Variants in SLC39A11 observed in about 807,000 individuals in gnomAD.
SLC39A11 encodes solute carrier family 39 member 11.
Under a neutral mutation model 36.1 loss-of-function variants are expected in SLC39A11, and 33 were observed. That is an observed-to-expected ratio of 0.91 (90% CI 0.69 to 1.22). SLC39A11 has a LOEUF of 1.22. SLC39A11 is among the 50% of genes most tolerant of loss of function. The probability of loss-of-function intolerance (pLI) is 0.00; values close to 1 mark genes in which losing one functional copy is unlikely to be tolerated. For missense variants in SLC39A11, 432 were observed against 430.3 expected (o/e 1.00, Z -0.03); for synonymous variants, 166 against 170.3 (o/e 0.97, Z 0.20).
At chr17:73,056,233 A>G (rs1026291791) in intron 3 of SLC39A11, among the ~76,000 whole-genome samples, 5 of 151,842 alleles carry the variant, frequency 3.3e-5, no homozygotes, top group African/African-American at 4.8e-5. Context: ...CAGTGGAATA[A>G]TCTTGGCTCA....
chr17:72,966,600 C>T lies in SLC39A11; in HGVS notation c.307-18725G>A, dbSNP rs550062492. Among the ~76,000 whole-genome samples the T allele has an allele frequency of 1.3e-3, 191 of 152,144 alleles. 1 individual carries two copies. The highest frequency in any genetic ancestry group is 4.5e-3 in the African/African-American group (185 of 41,506). ...TGTTCTTTTTTTTGAGACGGAGGCT[C>T]GCTCTGTCGCCCAGGCTGGAGTGCA... On this transcript the variant is annotated intron_variant, in intron 4 of 9. Transcript: ENST00000255559.
At chr17:72,933,855 T>C (rs1363376342) in intron 5 of SLC39A11, among the ~76,000 whole-genome samples, 1 of 152,126 alleles carries the variant, frequency 6.6e-6, no homozygotes. Context: ...GCAAGCTGAT[T>C]CTAAAATGTG....
At chr17:72,884,467 C>T (rs1218381953) in intron 5 of SLC39A11, among the ~76,000 whole-genome samples, 1 of 152,206 alleles carries the variant, frequency 6.6e-6, no homozygotes, top group African/African-American at 2.4e-5. Flanking sequence ...TTATGACTAC[C>T]TGGAGGTGAA....
intron 5 of SLC39A11, among the ~76,000 whole-genome samples, chr17:72,886,684 G>A (rs62071235): frequency 0.066 from 9,970 of 152,212 alleles, 342 homozygotes; most frequent in Middle Eastern, 0.11. Flanking sequence ...ACCTCCTGAT[G>A]GATTCCTGTC....
chr17:72,960,725 C>A (rs1206394021), intron 4 of SLC39A11, among the ~76,000 whole-genome samples: 1 of 151,974 alleles, frequency 6.6e-6, no homozygotes, highest in Non-Finnish European at 1.5e-5. Flanking sequence ...GCAGGAGGAT[C>A]GCTTGGGCCC....
intron 7 of SLC39A11, among the ~76,000 whole-genome samples, chr17:72,696,560 C>T (rs191568415): frequency 3.7e-4 from 56 of 152,226 alleles, no homozygotes; most frequent in Non-Finnish European, 7.5e-4. Context: ...CAAAAGCGCC[C>T]AGGTGTTGTC....
At chr17:73,042,797 C>T (rs914890162) in intron 3 of SLC39A11, among the ~76,000 whole-genome samples, 2 of 152,102 alleles carry the variant, frequency 1.3e-5, no homozygotes, top group East Asian at 1.9e-4. Flanking sequence ...AGTGAAACTC[C>T]GTCTCAAAAT....
At position 73,048,016 on chromosome 17, in the gene SLC39A11, T is replaced by A. The variant is rs1204925504; in HGVS notation, c.148-16302A>T. 6.5e-3 allele frequency among the ~76,000 whole-genome samples: 688 copies of A among 106,408 alleles called. 16 individuals carry two copies. The highest frequency in any genetic ancestry group is 0.022 in the African/African-American group (640 of 29,182). The allele number at this position is 106,408 out of a possible 152,430, so 69.8% of individuals were successfully genotyped here. On this transcript the variant is annotated intron_variant, in intron 3 of 9. Coordinates refer to ENST00000255559, the MANE Select transcript of SLC39A11 (RefSeq NM_139177.4). ...ATATATATATATATATATATATATA[T>A]ATATATATATCATGTATAGTTACCC... is the stretch of plus-strand genomic sequence containing the variant.
chr17:72,986,182 A>G (rs1322775999), intron 4 of SLC39A11, among the ~76,000 whole-genome samples: 1 of 152,192 alleles, frequency 6.6e-6, no homozygotes, highest in African/African-American at 2.4e-5. Flanking sequence ...TATTGTTCCC[A>G]CAGCCCTAGG....
chr17:72,770,353 T>C (rs1329257165), intron 6 of SLC39A11, among the ~76,000 whole-genome samples: 2 of 152,184 alleles, frequency 1.3e-5, no homozygotes, highest in Admixed American at 1.3e-4. Context: ...AGGTAGAGTT[T>C]CAGTTTGGGA....
intron 3 of SLC39A11, among the ~76,000 whole-genome samples, chr17:73,046,051 AAGG>A (rs1464425733): frequency 3.9e-5 from 6 of 152,128 alleles, no homozygotes; most frequent in Admixed American, 1.3e-4. Flanking sequence ...CCTATGTTTG[AAGG>A]AGAAGAGAAG....
chr17:72,829,169 T>C (rs773713335), intron 6 of SLC39A11, among the ~76,000 whole-genome samples: 2 of 151,858 alleles, frequency 1.3e-5, no homozygotes, highest in Non-Finnish European at 2.9e-5. Flanking sequence ...CTGGGCAACA[T>C]GGCAAAACCC....
At chr17:72,653,714 C>T (rs1340415718) in intron 7 of SLC39A11, among the ~76,000 whole-genome samples, 1 of 152,162 alleles carries the variant, frequency 6.6e-6, no homozygotes, top group African/African-American at 2.4e-5. Flanking sequence ...TGCGGGATTA[C>T]AGGTGTGAGT....
rs1015926721 is a variant in SLC39A11, at chr17:72,647,204, C to A, written c.*380G>T. ...ACTCTGCCCTGAGTCACTAGGCCAC[C>A]AAAATGCTTAGGAGACGTCTTTTGG... On this transcript the variant is annotated 3_prime_UTR_variant, in exon 10 of 10. Coordinates refer to ENST00000255559, the MANE Select transcript of SLC39A11 (RefSeq NM_139177.4). The A allele has an allele frequency of 1.8e-5, 3 of 167,412 alleles. No homozygotes were observed. The highest frequency in any genetic ancestry group is 3.8e-5 in the Non-Finnish European group (3 of 78,068). 10.4% of individuals were successfully genotyped at this position (167,412 alleles called of 1,614,324 possible).
intron 7 of SLC39A11, among the ~76,000 whole-genome samples, chr17:72,701,143 C>G (rs149087195): frequency 2.1e-4 from 32 of 152,360 alleles, no homozygotes; most frequent in Middle Eastern, 6.8e-3. Flanking sequence ...AAGAACTGGT[C>G]TCATTTTGCA....
At chr17:72,941,862 C>CATTTTATT (rs2085123624) in intron 5 of SLC39A11, among the ~76,000 whole-genome samples, 1 of 144,684 alleles carries the variant, frequency 6.9e-6, no homozygotes, top group Non-Finnish European at 1.5e-5. Flanking sequence ...TTGCTTCATT[C>CATTTTATT]TATTTATTTA....
intron 4 of SLC39A11, among the ~76,000 whole-genome samples, chr17:72,954,504 G>A (rs2086107177): frequency 6.6e-6 from 1 of 152,188 alleles, no homozygotes; most frequent in East Asian, 1.9e-4. Flanking sequence ...GCTGGCGGGT[G>A]GCCTGCCTGG....
At chr17:72,952,058 C>A (rs1337509797) in intron 4 of SLC39A11, among the ~76,000 whole-genome samples, 1 of 152,140 alleles carries the variant, frequency 6.6e-6, no homozygotes, top group Admixed American at 6.5e-5. Context: ...TGTACCCACT[C>A]CCGCCTGTAC....
At chr17:72,672,247 G>A (rs1357345300) in intron 7 of SLC39A11, among the ~76,000 whole-genome samples, 4 of 152,138 alleles carry the variant, frequency 2.6e-5, no homozygotes, top group Admixed American at 6.6e-5. Flanking sequence ...CCAGGAGTTC[G>A]AGACCAACCT....
Sources: gnomAD v4.1 joint callset for allele counts (sites outside exome capture counted in the v4.1 genomes callset) on GRCh38, gnomAD v4.1.1 for gene constraint, MANE v1.5 for transcripts, NCBI Gene and HGNC (gene_info 2026-07-23, HGNC 2026-07-21) for gene names.